The following FBXL2 variants were observed in gnomAD, a reference collection of about 807,000 sequenced individuals.
FBXL2 encodes F-box and leucine rich repeat protein 2, also known as F-box/LRR-repeat protein 2.
Under a neutral mutation model 69.2 loss-of-function variants are expected in FBXL2, and 38 were observed. The observed-to-expected ratio is 0.55, with a 90% CI of 0.42 to 0.72. FBXL2 has a LOEUF of 0.72. Among genes scored for constraint, FBXL2 ranks in the 30% least tolerant of loss-of-function variants. The pLI is 0.00. For missense variants in FBXL2, 354 were observed against 520.3 expected, an observed-to-expected ratio of 0.68 and a Z score of 3.11; for synonymous variants, 192 against 201.3, an observed-to-expected ratio of 0.95 and a Z score of 0.39.
the FBXL2 span, chr3:33,409,394 G>A: frequency 6.2e-7 from 1 of 1,613,838 alleles, no homozygotes; most frequent in Middle Eastern, 1.7e-4. Context: ...CAGACACACA[G>A]CTTTACAGGC....
rs932021528 is a variant in FBXL2 at position 33,277,446 on chromosome 3, C to G, written c.-67C>G. Reference sequence around the variant, plus strand: ...GGGGCGGGGCGCCTGGCTGGCGTCACCAGGACAACGGGCGTCGCCGGCGCC... The same window carrying G: ...GGGGCGGGGCGCCTGGCTGGCGTCAGCAGGACAACGGGCGTCGCCGGCGCC... On this transcript the variant is annotated 5_prime_UTR_variant, in exon 1 of 15. Transcript: ENST00000484457. 9.5e-6 allele frequency: 12 copies of G among 1,256,928 alleles called. No individual in the cohort carries two copies. Among genetic ancestry groups the G allele is most frequent in the Non-Finnish European group, 1.2e-5 (12 of 994,850 alleles). 77.9% of individuals were successfully genotyped at this position (1,256,928 alleles called of 1,614,324 possible).
chr3:33,311,791 AT>A (rs199510702), intron 2 of FBXL2, among the ~76,000 whole-genome samples: 14,583 of 151,754 alleles, frequency 0.096, 718 homozygotes, highest in African/African-American at 0.11. Flanking sequence ...TGCCCGGCTA[AT>A]TTTTTTGTAT....
chr3:33,306,257 A>G (rs1285938229), intron 2 of FBXL2, among the ~76,000 whole-genome samples: 1 of 150,204 alleles, frequency 6.7e-6, no homozygotes, highest in African/African-American at 2.5e-5. Context: ...GTGTTTTTTT[A>G]AAAAGCTTTA....
At chr3:33,321,651 A>G (rs906367152) in intron 2 of FBXL2, among the ~76,000 whole-genome samples, 3 of 152,216 alleles carry the variant, frequency 2.0e-5, no homozygotes, top group African/African-American at 4.8e-5. Context: ...TTGTGTGAAC[A>G]TCGTAGAGTT....
At chr3:33,357,362 G>C (rs1338481738) in intron 2 of FBXL2, among the ~76,000 whole-genome samples, 1 of 152,160 alleles carries the variant, frequency 6.6e-6, no homozygotes, top group Non-Finnish European at 1.5e-5. Flanking sequence ...AATCAGATGT[G>C]GCTAGCTGTG....
At chr3:33,356,418 C>T (rs929158033) in intron 2 of FBXL2, among the ~76,000 whole-genome samples, 25 of 152,120 alleles carry the variant, frequency 1.6e-4, no homozygotes, top group Admixed American at 1.0e-3. Context: ...TGGCGGATCT[C>T]GGCTCACTGC....
At chr3:33,287,114 G>A (rs774970300) in intron 1 of FBXL2, among the ~76,000 whole-genome samples, 6 of 152,208 alleles carry the variant, frequency 3.9e-5, no homozygotes, top group Admixed American at 6.5e-5. Flanking sequence ...CACGCTGGGA[G>A]CTATAGACTG....
chr3:33,418,554 C>T, the FBXL2 span, among the ~76,000 whole-genome samples: 2 of 151,968 alleles, frequency 1.3e-5, no homozygotes, highest in African/African-American at 2.4e-5. Flanking sequence ...CCACCGCACC[C>T]GGCCATAAGA....
intron 4 of FBXL2, among the ~76,000 whole-genome samples, chr3:33,361,098 ATTTT>A (rs58660334): frequency 8.6e-6 from 1 of 116,340 alleles, no homozygotes. Context: ...CGCCCGGCTA[ATTTT>A]TTTTTTTTTT....
intron 5 of FBXL2, among the ~76,000 whole-genome samples, chr3:33,368,458 C>CT (rs2042089795): frequency 6.6e-6 from 1 of 152,092 alleles, no homozygotes; most frequent in African/African-American, 2.4e-5. Context: ...GTTTTCTTTA[C>CT]TATAAAATCT....
At position 33,386,733 on chromosome 3, in the gene FBXL2, A is replaced by G. The variant is rs2043460692; in HGVS notation, c.*1125A>G. 1 of 152,222 alleles carries G rather than the reference A, an allele frequency of 6.6e-6. No individual in the cohort carries two copies. Among genetic ancestry groups the G allele is most frequent in the Non-Finnish European group, 1.5e-5 (1 of 68,038 alleles). The allele number at this position is 152,222 out of a possible 1,614,324, so 9.4% of individuals were successfully genotyped here. On this transcript the variant is annotated 3_prime_UTR_variant, in exon 15 of 15. Transcript: ENST00000484457. Reference sequence around the variant, plus strand: ...TTCCTGATGTTATCTGAAATCTGATAAAATGACCCTACTCTCTGCTGTGGT... The same window carrying G: ...TTCCTGATGTTATCTGAAATCTGATGAAATGACCCTACTCTCTGCTGTGGT...
At chr3:33,341,974 A>G (rs917280413) in intron 2 of FBXL2, among the ~76,000 whole-genome samples, 1 of 146,784 alleles carries the variant, frequency 6.8e-6, no homozygotes, top group African/African-American at 2.5e-5. Context: ...TTCATTTTTC[A>G]TTTATGCAGT....
At chr3:33,299,253 G>C (rs2036042099) in intron 2 of FBXL2, among the ~76,000 whole-genome samples, 1 of 152,046 alleles carries the variant, frequency 6.6e-6, no homozygotes, top group South Asian at 2.1e-4. Context: ...TGTTGCCCAG[G>C]CTGATCTCGA....
chr3:33,278,705 A>G (rs2033619204), intron 1 of FBXL2, among the ~76,000 whole-genome samples: 1 of 152,252 alleles, frequency 6.6e-6, no homozygotes, highest in South Asian at 2.1e-4. Context: ...AACATCACCC[A>G]TAAATCACAG....
chr3:33,340,483 A>AAAAG (rs1328172688), intron 2 of FBXL2, among the ~76,000 whole-genome samples: 2 of 151,690 alleles, frequency 1.3e-5, no homozygotes, highest in East Asian at 3.9e-4. Context: ...ACCTTATTGT[A>AAAAG]AAAGACAGCC....
downstream of FBXL2, chr3:33,392,678 T>C (rs145896449): frequency 6.9e-7 from 1 of 1,442,170 alleles, no homozygotes; most frequent in Non-Finnish European, 9.6e-7. Flanking sequence ...TAAAATGATT[T>C]TAAAACAGTA....
intron 5 of FBXL2, among the ~76,000 whole-genome samples, chr3:33,371,660 A>T (rs1366107711): frequency 6.6e-6 from 1 of 152,034 alleles, no homozygotes; most frequent in Non-Finnish European, 1.5e-5. Context: ...TTTATTGTGG[A>T]TATATTTTCC....
chr3:33,390,278 C>T, downstream of FBXL2: 1 of 1,552,326 alleles, frequency 6.4e-7, no homozygotes. Flanking sequence ...AGTCTTCACA[C>T]ACTTTTAAGC....
intron 2 of FBXL2, among the ~76,000 whole-genome samples, chr3:33,352,633 C>T (rs940438340): frequency 7.9e-5 from 12 of 152,166 alleles, no homozygotes; most frequent in South Asian, 4.1e-4. Context: ...CTGTGGCTCA[C>T]GCCTGTAATC....
Sources: gnomAD v4.1 joint callset for allele counts (sites outside exome capture counted in the v4.1 genomes callset) on GRCh38, gnomAD v4.1.1 for gene constraint, MANE v1.5 for transcripts, NCBI Gene and HGNC (gene_info 2026-07-23, HGNC 2026-07-21) for gene names.